The following ATP6V1H variants were observed in gnomAD, a reference collection of about 807,000 sequenced individuals.
The protein encoded by ATP6V1H is ATPase H+ transporting V1 subunit H.
Under a neutral mutation model 71.7 loss-of-function variants are expected in ATP6V1H, and 39 were observed. The observed-to-expected ratio is 0.54, with a 90% CI of 0.42 to 0.71. The LOEUF (loss-of-function observed/expected upper bound fraction) is 0.71, where lower values mean the gene tolerates loss of function less well. ATP6V1H is among the 30% of genes least tolerant of loss of function. The pLI, the probability that ATP6V1H is intolerant of heterozygous loss-of-function variation, is 0.00. For synonymous variants in ATP6V1H, 192 were observed against 199.3 expected, an observed-to-expected ratio of 0.96 and a Z score of 0.31; for missense variants, 509 against 594.9, an observed-to-expected ratio of 0.86 and a Z score of 1.50.
chr8:53,749,455 C>T (rs1195770964), intron 12 of ATP6V1H, among the ~76,000 whole-genome samples: 1 of 152,092 alleles, frequency 6.6e-6, no homozygotes, highest in Non-Finnish European at 1.5e-5. Flanking sequence ...GGCCCTTGAC[C>T]CCACAGCTTA....
intron 13 of ATP6V1H, among the ~76,000 whole-genome samples, chr8:53,722,033 A>G (rs1036327954): frequency 6.6e-5 from 10 of 152,252 alleles, no homozygotes; most frequent in African/African-American, 2.4e-4. Flanking sequence ...TTCTAAAAGC[A>G]ATTTATGTAA....
rs1563315453 is a variant in ATP6V1H, at chr8:53,833,048, TG to T, written c.151del (p.Gln51ArgfsTer5). On this transcript the variant is annotated frameshift_variant, in exon 3 of 14. Coordinates refer to ENST00000359530, the MANE Select transcript of ATP6V1H (RefSeq NM_015941.4). LOFTEE classifies it high-confidence loss of function. ...MISAEDCEFI[Q>X]RFEMKRSPEE... ...AGGGCTTCGTTTCATTTCAAACCTCTGAATAAACTCACAATCTTCAGCAGAA... is the reference window on the plus strand; with the variant it reads ...AGGGCTTCGTTTCATTTCAAACCTCTAATAAACTCACAATCTTCAGCAGAA... The T allele has an allele frequency of 6.2e-7, 1 of 1,613,918 alleles. No individual in the cohort carries two copies. The highest frequency in any genetic ancestry group is 8.5e-7 in the Non-Finnish European group (1 of 1,179,846).
chr8:53,766,085 T>C (rs915676887), intron 11 of ATP6V1H, among the ~76,000 whole-genome samples: 2 of 152,188 alleles, frequency 1.3e-5, no homozygotes, highest in African/African-American at 4.8e-5. Flanking sequence ...AGTTGAAAAG[T>C]TCATAATGAG....
intron 2 of ATP6V1H, among the ~76,000 whole-genome samples, chr8:53,838,528 TTA>T (rs1472694923): frequency 6.6e-6 from 1 of 152,196 alleles, no homozygotes; most frequent in African/African-American, 2.4e-5. Context: ...TATATACACT[TTA>T]TATATTTATA....
chr8:53,814,761 T>G lies in ATP6V1H; in HGVS notation c.426A>C (p.Ala142=), dbSNP rs1245173059. 6.2e-7 allele frequency: 1 copy of G among 1,608,982 alleles called. No homozygotes were observed. The highest frequency in any genetic ancestry group is 1.1e-5 in the South Asian group (1 of 90,562). The change falls in exon 6 of 14, where the codon GCA becomes GCC. Residue 142 remains alanine, a synonymous_variant. Coordinates refer to ENST00000359530, the MANE Select transcript of ATP6V1H (RefSeq NM_015941.4). ...RQDPFTVHMA[A]RIIAKLAAWG... ...AAGCTGCTAACTTGGCAATAATTCT[T>G]GCTGCCTGAAAACAAATAAGAGATA... is the stretch of plus-strand genomic sequence containing the variant.
At chr8:53,794,422 G>C (rs1809665253) in intron 9 of ATP6V1H, among the ~76,000 whole-genome samples, 1 of 152,088 alleles carries the variant, frequency 6.6e-6, no homozygotes, top group African/African-American at 2.4e-5. Flanking sequence ...CTGGAGTGCA[G>C]TGGCGCGATC....
At chr8:53,717,658 T>C (rs1178355525) in intron 13 of ATP6V1H, among the ~76,000 whole-genome samples, 1 of 152,044 alleles carries the variant, frequency 6.6e-6, no homozygotes, top group Non-Finnish European at 1.5e-5. Context: ...GAGTTTACAG[T>C]CACTATCAAT....
At chr8:53,744,147 CAGGGGGTTA>C (rs1181782636) in intron 12 of ATP6V1H, among the ~76,000 whole-genome samples, 1 of 152,052 alleles carries the variant, frequency 6.6e-6, no homozygotes, top group Non-Finnish European at 1.5e-5. Context: ...TAGCAGGGAA[CAGGGGGTTA>C]AAGAGCACCC....
At chr8:53,730,782 ACT>A (rs1427065640) in intron 13 of ATP6V1H, among the ~76,000 whole-genome samples, 1 of 151,964 alleles carries the variant, frequency 6.6e-6, no homozygotes, top group Non-Finnish European at 1.5e-5. Flanking sequence ...AAAAACAAAG[ACT>A]CATGAGAACA....
rs545256007 is a variant in ATP6V1H, at chr8:53,835,294, A to G, written c.114-2208T>C. Among the ~76,000 whole-genome samples the G allele has an allele frequency of 2.3e-3, 357 of 152,326 alleles. 3 individuals carry two copies. The highest frequency in any genetic ancestry group is 8.2e-3 in the African/African-American group (340 of 41,584). On this transcript the variant is annotated intron_variant, in intron 2 of 13. Transcript: ENST00000359530. Reference sequence around the variant, plus strand: ...CCCAGGAGAAGCCAGGGATAGCATGAAGGGCTCAGGACACTGAAGCAAAAA... The same window carrying G: ...CCCAGGAGAAGCCAGGGATAGCATGGAGGGCTCAGGACACTGAAGCAAAAA...
rs566625468 is a variant in ATP6V1H at position 53,737,166 on chromosome 8, T to A, written c.1391+6411A>T. On this transcript the variant is annotated intron_variant, in intron 13 of 13. Coordinates refer to ENST00000359530, the MANE Select transcript of ATP6V1H (RefSeq NM_015941.4). ...AAGTCTGCCAAAGCTCCCAGCCGAA[T>A]ACAGCCACTTCCTTCTTTAACCTAG... 2.3e-3 allele frequency among the ~76,000 whole-genome samples: 346 copies of A among 152,368 alleles called. 2 individuals are homozygous for A. Among genetic ancestry groups the A allele is most frequent in the African/African-American group, 8.1e-3 (335 of 41,594 alleles).
At position 53,756,541 on chromosome 8, in the gene ATP6V1H, T is replaced by C. The variant is rs1808071537; in HGVS notation, c.1277+14A>G. ...GTTTCAAGAAACCAAATGAAATGAA[T>C]GGCTTTCTCTTACCGTTTGCCTCGT... On this transcript the variant is annotated intron_variant, in intron 12 of 13. Coordinates refer to ENST00000359530, the MANE Select transcript of ATP6V1H (RefSeq NM_015941.4). 1 of 1,604,326 alleles carries C rather than the reference T, an allele frequency of 6.2e-7. No homozygotes were observed. The highest frequency in any genetic ancestry group is 8.5e-7 in the Non-Finnish European group (1 of 1,172,036).
intron 7 of ATP6V1H, among the ~76,000 whole-genome samples, chr8:53,806,112 G>A (rs778915095): frequency 6.6e-6 from 1 of 152,034 alleles, no homozygotes; most frequent in Non-Finnish European, 1.5e-5. Context: ...AAGTAAAAGA[G>A]GAATAGAGAG....
chr8:53,821,101 T>C (rs1283451602), intron 4 of ATP6V1H, among the ~76,000 whole-genome samples: 3 of 148,452 alleles, frequency 2.0e-5, no homozygotes, highest in Non-Finnish European at 4.4e-5. Context: ...CCAGGTGCAG[T>C]AGCTCACGCC....
intron 3 of ATP6V1H, chr8:53,832,294 G>C (rs1238784808): frequency 6.6e-6 from 1 of 151,982 alleles, no homozygotes; most frequent in Admixed American, 6.6e-5. Flanking sequence ...GAAATATTAG[G>C]TAGAATAACT....
intron 13 of ATP6V1H, among the ~76,000 whole-genome samples, chr8:53,740,410 T>G (rs1807368854): frequency 6.6e-6 from 1 of 152,246 alleles, no homozygotes; most frequent in Non-Finnish European, 1.5e-5. Flanking sequence ...AACCCAGGGA[T>G]GCAGGCAAAG....
chr8:53,786,587 T>C (rs1485674327), intron 9 of ATP6V1H, among the ~76,000 whole-genome samples: 1 of 152,158 alleles, frequency 6.6e-6, no homozygotes, highest in Non-Finnish European at 1.5e-5. Flanking sequence ...CAGTTGGAAA[T>C]GCAGAAATCA....
chr8:53,791,402 T>C (rs573197678), intron 9 of ATP6V1H, among the ~76,000 whole-genome samples: 12 of 152,220 alleles, frequency 7.9e-5, no homozygotes, highest in African/African-American at 2.4e-4. Flanking sequence ...CCCAGAGTGG[T>C]AGGGGCAAAA....
rs201422531 is a variant in ATP6V1H, at chr8:53,820,396, CA to C, written c.307-2867del. Among the ~76,000 whole-genome samples the C allele has an allele frequency of 2.8e-3, 402 of 142,964 alleles. 2 individuals carry two copies. Among genetic ancestry groups the C allele is most frequent in the African/African-American group, 8.3e-3 (326 of 39,250 alleles). 93.8% of individuals were successfully genotyped at this position (142,964 alleles called of 152,430 possible). A position where few individuals can be genotyped will look rare whatever the true frequency, so the allele number is the denominator to read the frequency against. Reference sequence around the variant, plus strand: ...AGGGTTCTGCAAGACAAAATGAGACCAAAAAAAAAAATCCAAGGGCATACAA... The same window carrying C: ...AGGGTTCTGCAAGACAAAATGAGACCAAAAAAAAAATCCAAGGGCATACAA... On this transcript the variant is annotated intron_variant, in intron 4 of 13. Coordinates refer to ENST00000359530, the MANE Select transcript of ATP6V1H (RefSeq NM_015941.4).
Sources: gnomAD v4.1 joint callset for allele counts (sites outside exome capture counted in the v4.1 genomes callset) on GRCh38, gnomAD v4.1.1 for gene constraint, MANE v1.5 for transcripts, NCBI Gene and HGNC (gene_info 2026-07-23, HGNC 2026-07-21) for gene names.